Variants in DMTF1 observed in about 807,000 individuals in gnomAD.
The protein encoded by DMTF1 is cyclin-D-binding Myb-like transcription factor 1.
DMTF1 carries 39 observed loss-of-function variants against 91.1 expected under a neutral mutation model. The ratio of observed to expected loss-of-function variants is 0.43; its 90% CI spans 0.33 to 0.56. DMTF1 has a LOEUF of 0.56. DMTF1 is among the 20% of genes least tolerant of loss of function. DMTF1 has a pLI of 0.05. For missense variants in DMTF1, 750 were observed against 914.5 expected (o/e 0.82, Z 2.32); for synonymous variants, 338 against 309.5 (o/e 1.09, Z -0.97).
At chr7:87,166,969 G>A (rs1049223358) in intron 4 of DMTF1, among the ~76,000 whole-genome samples, 1 of 151,998 alleles carries the variant, frequency 6.6e-6, no homozygotes, top group Admixed American at 6.5e-5. Context: ...TAATAAAATT[G>A]TTTGTCACAT....
intron 4 of DMTF1, among the ~76,000 whole-genome samples, chr7:87,170,052 A>T (rs981911196): frequency 1.3e-5 from 2 of 152,322 alleles, no homozygotes; most frequent in African/African-American, 4.8e-5. Flanking sequence ...CTGAATCCTT[A>T]CATTTGCTTC....
chr7:87,170,967 TG>T, intron 4 of DMTF1, 27 bp from the exon 5 acceptor site: 1 of 1,435,094 alleles, frequency 7.0e-7, no homozygotes. Flanking sequence ...GTTATTATTC[TG>T]GAGATGAACG....
intron 7 of DMTF1, among the ~76,000 whole-genome samples, chr7:87,175,008 GT>G: frequency 6.7e-6 from 1 of 148,722 alleles, no homozygotes; most frequent in African/African-American, 2.5e-5. Context: ...TCTTTGTTTT[GT>G]TTTGTTTTGT....
intron 5 of DMTF1, among the ~76,000 whole-genome samples, chr7:87,171,798 A>G (rs187252246): frequency 1.3e-5 from 2 of 152,324 alleles, no homozygotes; most frequent in Non-Finnish European, 2.9e-5. Context: ...TATATGTCAT[A>G]CATAGATAGG....
intron 13 of DMTF1, 42 bp downstream of exon 13, chr7:87,188,343 A>G: frequency 5.0e-6 from 8 of 1,603,980 alleles, no homozygotes; most frequent in South Asian, 1.1e-5. Context: ...TTTGATCTAT[A>G]TGATTTGGTT....
chr7:87,155,568 A>G (rs1790463638), intron 1 of DMTF1: 3 of 152,172 alleles, frequency 2.0e-5, no homozygotes, highest in South Asian at 4.1e-4. Context: ...TACCAAATGT[A>G]TGTGGCGTTT....
In DMTF1 at chr7:87,190,941, A is replaced by G. The variant is rs374374457; in HGVS notation, c.1412-4A>G. 2.2e-4 allele frequency: 352 copies of G among 1,606,544 alleles called. No individual in the cohort carries two copies. The highest frequency in any genetic ancestry group is 5.4e-4 in the Admixed American group (32 of 58,998). On this transcript the variant is annotated splice_region_variant and splice_polypyrimidine_tract_variant and intron_variant, in intron 13 of 17. Transcript: ENST00000331242. ...TACCACAGCTTACCTTATTCTTACC[A>G]CAGCTTCAGCAGACTCTCCTGCTAC...
intron 16 of DMTF1, 114 bp downstream of exon 16, chr7:87,194,216 C>T (rs901066273): frequency 2.4e-5 from 28 of 1,190,924 alleles, no homozygotes; most frequent in Non-Finnish European, 3.1e-5. Flanking sequence ...CCCAACCTCA[C>T]ACCTCACAAA....
intron 3 of DMTF1, among the ~76,000 whole-genome samples, chr7:87,165,952 C>A (rs752154710): frequency 6.6e-6 from 1 of 152,176 alleles, no homozygotes; most frequent in Non-Finnish European, 1.5e-5. Context: ...CCCTTTTAAC[C>A]AGTGTCCTAC....
At chr7:87,157,134 G>A (rs1041197478) in intron 1 of DMTF1, among the ~76,000 whole-genome samples, 2 of 152,082 alleles carry the variant, frequency 1.3e-5, no homozygotes, top group African/African-American at 4.8e-5. Context: ...AAAAACATCT[G>A]AAAACTGTCC....
At chr7:87,177,313 T>C (rs1404405896) in intron 7 of DMTF1, among the ~76,000 whole-genome samples, 1 of 152,164 alleles carries the variant, frequency 6.6e-6, no homozygotes, top group Non-Finnish European at 1.5e-5. Flanking sequence ...TTTTTTATTA[T>C]TCATTTGTAC....
At chr7:87,181,106 T>C (rs1459140819) in intron 8 of DMTF1, 3 of 289,930 alleles carry the variant, frequency 1.0e-5, no homozygotes, top group African/African-American at 2.2e-5. Context: ...TGCCTTGGCC[T>C]CCCAAAGTGC....
At chr7:87,184,762 T>C (rs974612213) in intron 11 of DMTF1, 137 bp downstream of exon 11, 136 of 790,084 alleles carry the variant, frequency 1.7e-4, no homozygotes, top group Non-Finnish European at 2.3e-4. Context: ...GTTTAAGATC[T>C]TAAGTATTTC....
chr7:87,182,425 G>C lies in DMTF1; in HGVS notation c.820+88G>C. 2 of 1,272,652 alleles carry C rather than the reference G, an allele frequency of 1.6e-6. 1 individual carries two copies. Among genetic ancestry groups the C allele is most frequent in the Middle Eastern group, 3.8e-4 (2 of 5,316 alleles). 78.8% of individuals were successfully genotyped at this position (1,272,652 alleles called of 1,614,324 possible). A position where few individuals can be genotyped will look rare whatever the true frequency, so the allele number is the denominator to read the frequency against. On this transcript the variant is annotated intron_variant, in intron 10 of 17. Coordinates refer to ENST00000331242, the MANE Select transcript of DMTF1 (RefSeq NM_001142327.2). ...ACTGCCTTTTCTTTGCTCTTGGGGA[G>C]CGATTTAGATCATTCACCTTAGTTC...
At chr7:87,160,060 G>A (rs767857222) in intron 1 of DMTF1, among the ~76,000 whole-genome samples, 1 of 152,132 alleles carries the variant, frequency 6.6e-6, no homozygotes, top group Middle Eastern at 3.4e-3. Flanking sequence ...TTAACCATAG[G>A]TTCATGTATA....
At chr7:87,159,307 ACT>A (rs893305603) in intron 1 of DMTF1, among the ~76,000 whole-genome samples, 6 of 152,182 alleles carry the variant, frequency 3.9e-5, no homozygotes, top group African/African-American at 7.2e-5. Flanking sequence ...TCTGTAAGCC[ACT>A]CTCCACTGAT....
At chr7:87,153,254 G>A (rs998469949) in intron 1 of DMTF1, among the ~76,000 whole-genome samples, 3 of 152,178 alleles carry the variant, frequency 2.0e-5, no homozygotes, top group Non-Finnish European at 4.4e-5. Context: ...AAGGGATGTG[G>A]GCTGGGGCGC....
chr7:87,180,980 C>A (rs1470886024), intron 8 of DMTF1, among the ~76,000 whole-genome samples: 2 of 151,036 alleles, frequency 1.3e-5, no homozygotes, highest in Admixed American at 6.6e-5. Flanking sequence ...CTCAGCCACT[C>A]TAGTAGCTGG....
intron 15 of DMTF1, 111 bp downstream of exon 15, chr7:87,193,464 T>C (rs541683790): frequency 1.2e-4 from 138 of 1,137,210 alleles, no homozygotes; most frequent in South Asian, 2.1e-4. Context: ...CTGCTGCTGT[T>C]CCAGGCACAG....
Sources: allele counts gnomAD v4.1 joint callset (sites outside exome capture counted in the v4.1 genomes callset), GRCh38; gene constraint gnomAD v4.1.1; transcripts MANE v1.5; gene names NCBI Gene and HGNC (gene_info 2026-07-23, HGNC 2026-07-21).